The following KAT6B variants were observed in gnomAD, a reference collection of about 807,000 sequenced individuals.
KAT6B encodes the protein lysine acetyltransferase 6B, also known as histone acetyltransferase KAT6B.
Under a neutral mutation model 187.5 loss-of-function variants are expected in KAT6B, and 10 were observed. The observed-to-expected ratio is 0.05, with a 90% CI of 0.03 to 0.09. The LOEUF (loss-of-function observed/expected upper bound fraction) is 0.09, where lower values mean the gene tolerates loss of function less well. KAT6B is among the 10% of genes least tolerant of loss of function. The pLI is 1.00. For synonymous variants in KAT6B, 861 were observed against 926.8 expected (o/e 0.93, Z 1.29); for missense variants, 1,952 against 2,558.9 (o/e 0.76, Z 5.12).
intron 10 of KAT6B, among the ~76,000 whole-genome samples, chr10:74,980,020 G>A (rs997224895): frequency 5.3e-5 from 8 of 152,130 alleles, no homozygotes; most frequent in Admixed American, 2.0e-4. Flanking sequence ...TTAGCCAGAC[G>A]TGATAGGACA....
At position 74,936,831 on chromosome 10, in the gene KAT6B, G is replaced by A. The variant is rs148924190; in HGVS notation, c.622-23139G>A. Among the ~76,000 whole-genome samples the A allele has an allele frequency of 3.1e-4, 47 of 152,198 alleles. No homozygotes were observed. In the East Asian group the frequency reaches 7.7e-3, roughly 25 times the overall value. On this transcript the variant is annotated intron_variant, in intron 3 of 17. Transcript: ENST00000287239. ...TTGTTTATGCACTTTTACAACTTAT[G>A]TCATTTTAGGTTGTTTATTAATGCC...
At chr10:74,866,870 C>A (rs1461307818) in intron 3 of KAT6B, among the ~76,000 whole-genome samples, 1 of 152,182 alleles carries the variant, frequency 6.6e-6, no homozygotes, top group African/African-American at 2.4e-5. Context: ...TGTGATTCAG[C>A]TCACCTCATA....
chr10:74,992,119 T>C (rs1564610250), intron 13 of KAT6B, among the ~76,000 whole-genome samples: 1 of 152,214 alleles, frequency 6.6e-6, no homozygotes, highest in Non-Finnish European at 1.5e-5. Flanking sequence ...ATTTGGTAAA[T>C]GAGCCTGGGG....
intron 3 of KAT6B, among the ~76,000 whole-genome samples, chr10:74,917,445 A>G (rs1847772857): frequency 1.3e-5 from 2 of 151,898 alleles, no homozygotes; most frequent in African/African-American, 4.8e-5. Context: ...TTTCTCCTTT[A>G]TTTCCTGCAA....
chr10:74,906,352 A>G (rs979573656), intron 3 of KAT6B, among the ~76,000 whole-genome samples: 4 of 152,160 alleles, frequency 2.6e-5, no homozygotes, highest in African/African-American at 7.2e-5. Flanking sequence ...GTGAGCCAAG[A>G]TCGTGCCACT....
chr10:74,929,142 C>T (rs1187172312), intron 3 of KAT6B, among the ~76,000 whole-genome samples: 1 of 152,172 alleles, frequency 6.6e-6, no homozygotes, highest in East Asian at 1.9e-4. Context: ...GGATTTATGC[C>T]TGTCTCCACC....
intron 3 of KAT6B, among the ~76,000 whole-genome samples, chr10:74,892,956 A>G (rs1381933463): frequency 6.6e-6 from 1 of 152,182 alleles, no homozygotes; most frequent in Non-Finnish European, 1.5e-5. Context: ...AACGCTTGAC[A>G]TTTCCTGTGG....
At chr10:74,902,033 C>T (rs1322652129) in intron 3 of KAT6B, among the ~76,000 whole-genome samples, 1 of 152,120 alleles carries the variant, frequency 6.6e-6, no homozygotes, top group Non-Finnish European at 1.5e-5. Context: ...CCCACCCATC[C>T]GTCCCTGCTT....
chr10:74,960,147 T>C (rs529966812), intron 4 of KAT6B, 69 bp downstream of exon 4: 1 of 1,017,000 alleles, frequency 9.8e-7, no homozygotes, highest in East Asian at 2.4e-5. Context: ...TATTTGTCTC[T>C]CTATTAAAAC....
chr10:74,948,968 G>A (rs1455917056), intron 3 of KAT6B, among the ~76,000 whole-genome samples: 1 of 152,076 alleles, frequency 6.6e-6, no homozygotes, highest in Non-Finnish European at 1.5e-5. Flanking sequence ...ATAAATTATA[G>A]TCTTGAAGTC....
chr10:75,017,460 A>G (rs1845062338), intron 13 of KAT6B, among the ~76,000 whole-genome samples: 1 of 152,152 alleles, frequency 6.6e-6, no homozygotes, highest in Non-Finnish European at 1.5e-5. Flanking sequence ...CTAAAAATGC[A>G]AATCTTAGCC....
chr10:74,976,277 C>T lies in KAT6B; in HGVS notation c.1940C>T (p.Ser647Leu). 1 of 1,614,036 alleles carries T rather than the reference C, an allele frequency of 6.2e-7. No individual in the cohort carries two copies. The highest frequency in any genetic ancestry group is 8.5e-7 in the Non-Finnish European group (1 of 1,180,002). The change falls in exon 8 of 18, where the codon TCA becomes TTA. Residue 647 changes from serine (S) to leucine (L), a missense_variant. This residue lies in a region of KAT6B where 417 missense variants were observed against 508.9 expected (regional missense o/e 0.82). Transcript: ENST00000287239. ...YKVTPQMGTP[S>L]PGKGSLTDGR... ...GTGACCCCTCAGATGGGGACCCCCT[C>T]ACCAGGGAAGGGGAGCTTGACAGAC...
chr10:74,875,717 C>T (rs1193990365), intron 3 of KAT6B, among the ~76,000 whole-genome samples: 2 of 152,222 alleles, frequency 1.3e-5, no homozygotes, highest in Admixed American at 1.3e-4. Flanking sequence ...CTGCCCACCT[C>T]AGCCTCCCAG....
At chr10:75,000,609 A>G (rs979213980) in intron 13 of KAT6B, among the ~76,000 whole-genome samples, 2 of 152,130 alleles carry the variant, frequency 1.3e-5, no homozygotes, top group African/African-American at 4.8e-5. Context: ...TGCCATTAAT[A>G]TTAATTAATG....
At chr10:74,952,909 A>G (rs1303599304) in intron 3 of KAT6B, among the ~76,000 whole-genome samples, 1 of 133,094 alleles carries the variant, frequency 7.5e-6, no homozygotes, top group East Asian at 2.2e-4. Context: ...CATGTTGGCC[A>G]GGCTGGTCTC....
At chr10:74,893,069 T>C (rs1398391721) in intron 3 of KAT6B, among the ~76,000 whole-genome samples, 1 of 152,142 alleles carries the variant, frequency 6.6e-6, no homozygotes, top group East Asian at 1.9e-4. Context: ...CAGAAAGAGG[T>C]TGTGGGTGAA....
intron 1 of KAT6B, among the ~76,000 whole-genome samples, chr10:74,836,196 C>G (rs1841295706): frequency 6.6e-6 from 1 of 152,092 alleles, no homozygotes; most frequent in Non-Finnish European, 1.5e-5. Context: ...ATGGATATAC[C>G]ACAGTTTATC....
intron 3 of KAT6B, among the ~76,000 whole-genome samples, chr10:74,949,657 T>G (rs1174063716): frequency 6.9e-6 from 1 of 144,642 alleles, no homozygotes; most frequent in African/African-American, 2.9e-5. Flanking sequence ...TTGATGTTCT[T>G]AGAAAGACTT....
intron 4 of KAT6B, among the ~76,000 whole-genome samples, chr10:74,967,178 A>G (rs1841535902): frequency 6.6e-6 from 1 of 151,222 alleles, no homozygotes; most frequent in South Asian, 2.1e-4. Context: ...TACAAAAACA[A>G]AATTAGCCAG....
Sources: allele counts gnomAD v4.1 joint callset (sites outside exome capture counted in the v4.1 genomes callset), GRCh38; gene constraint gnomAD v4.1.1; regional missense constraint gnomAD v4.1.1; transcripts MANE v1.5; gene names NCBI Gene and HGNC (gene_info 2026-07-23, HGNC 2026-07-21).